BICRAL: variants seen among roughly 807,000 people sequenced by gnomAD.
The protein encoded by BICRAL is BRD4-interacting chromatin-remodeling complex-associated protein-like.
In BICRAL, 8 loss-of-function variants were observed where a neutral mutation model predicts 91.8. The observed-to-expected ratio is 0.09, with a 90% CI of 0.05 to 0.16. BICRAL has a LOEUF of 0.16. Among genes scored for constraint, BICRAL ranks in the 10% least tolerant of loss-of-function variants. The pLI is 1.00. For synonymous variants in BICRAL, 445 were observed against 491.1 expected (o/e 0.91, Z 1.24); for missense variants, 1,038 against 1,310.9 (o/e 0.79, Z 3.21).
chr6:42,851,998 C>T (rs1216040796), intron 6 of BICRAL, 94 bp from the exon 7 acceptor site: 1 of 722,768 alleles, frequency 1.4e-6, no homozygotes, highest in African/African-American at 1.8e-5. Flanking sequence ...CTGAAGGTAC[C>T]AGGGAGGCAT....
intron 12 of BICRAL, among the ~76,000 whole-genome samples, chr6:42,862,985 T>G (rs1765599558): frequency 6.6e-6 from 1 of 152,142 alleles, no homozygotes; most frequent in African/African-American, 2.4e-5. Context: ...TTTCCACTCT[T>G]GTGTAACAGC....
rs201459212 is a variant in BICRAL, at chr6:42,802,434, G to T, written c.-101-7872G>T. 2.7e-3 allele frequency among the ~76,000 whole-genome samples: 381 copies of T among 140,686 alleles called. 1 individual carries two copies. Among genetic ancestry groups the T allele is most frequent in the African/African-American group, 4.3e-3 (151 of 34,912 alleles). The allele number at this position is 140,686 out of a possible 152,430, so 92.3% of individuals were successfully genotyped here. ...TCAGCTTTTCGTGTTTTTTTTTGTTGTTGTTGTTGTTGTTGTTGTTGTTGT... is the reference window on the plus strand; with the variant it reads ...TCAGCTTTTCGTGTTTTTTTTTGTTTTTGTTGTTGTTGTTGTTGTTGTTGT... On this transcript the variant is annotated intron_variant, in intron 1 of 12. Coordinates refer to ENST00000314073, the MANE Select transcript of BICRAL (RefSeq NM_001393499.1).
intron 6 of BICRAL, among the ~76,000 whole-genome samples, chr6:42,831,770 A>C: frequency 2.7e-5 from 4 of 147,212 alleles, no homozygotes; most frequent in Admixed American, 6.8e-5. Flanking sequence ...AGACAGTCTC[A>C]CTCTGTTGCC....
chr6:42,766,988 T>C (rs1206315328), intron 1 of BICRAL, among the ~76,000 whole-genome samples: 2 of 149,022 alleles, frequency 1.3e-5, no homozygotes, highest in South Asian at 4.2e-4. Context: ...TGCAGTGAGC[T>C]GAGATGGCGC....
chr6:42,816,415 G>T (rs1341118592), intron 2 of BICRAL, among the ~76,000 whole-genome samples: 2 of 151,822 alleles, frequency 1.3e-5, no homozygotes, highest in Non-Finnish European at 2.9e-5. Context: ...AGCCTTACTT[G>T]AGGTTCTTTT....
chr6:42,808,381 C>T (rs1030290594), intron 1 of BICRAL, among the ~76,000 whole-genome samples: 3 of 152,158 alleles, frequency 2.0e-5, no homozygotes, highest in Non-Finnish European at 2.9e-5. Flanking sequence ...TCGCCTGCCT[C>T]AGCCTCCCAA....
chr6:42,778,467 A>G (rs547574428), upstream of BICRAL, among the ~76,000 whole-genome samples: 3 of 152,322 alleles, frequency 2.0e-5, no homozygotes, highest in Non-Finnish European at 4.4e-5. Context: ...TCATATGATA[A>G]TGTGTATAAG....
At chr6:42,844,795 G>A (rs959508014) in intron 6 of BICRAL, among the ~76,000 whole-genome samples, 2 of 152,200 alleles carry the variant, frequency 1.3e-5, no homozygotes, top group Middle Eastern at 3.4e-3. Context: ...GTGGGATTAA[G>A]GGAATTATTT....
intron 1 of BICRAL, among the ~76,000 whole-genome samples, chr6:42,795,171 C>T (rs1243360263): frequency 6.6e-6 from 1 of 152,184 alleles, no homozygotes; most frequent in Non-Finnish European, 1.5e-5. Flanking sequence ...GTGGCTCACA[C>T]CTGTAATCCC....
intron 1 of BICRAL, among the ~76,000 whole-genome samples, chr6:42,769,817 A>G (rs1253875609): frequency 6.6e-6 from 1 of 152,254 alleles, no homozygotes; most frequent in Non-Finnish European, 1.5e-5. Flanking sequence ...AGTAAGAAAT[A>G]CACTTATATT....
intron 12 of BICRAL, among the ~76,000 whole-genome samples, chr6:42,863,135 A>G (rs1453966466): frequency 1.1e-4 from 16 of 144,640 alleles, no homozygotes; most frequent in Non-Finnish European, 1.5e-4. Context: ...TGCAAGCTCT[A>G]CCTCCCGAGT....
chr6:42,799,603 C>T (rs897202203), intron 1 of BICRAL, among the ~76,000 whole-genome samples: 2 of 152,110 alleles, frequency 1.3e-5, no homozygotes, highest in African/African-American at 4.8e-5. Context: ...CCATCACCAC[C>T]ATTCTTTTCC....
At chr6:42,770,033 C>T (rs1762695192) in intron 1 of BICRAL, among the ~76,000 whole-genome samples, 3 of 152,182 alleles carry the variant, frequency 2.0e-5, no homozygotes, top group East Asian at 1.9e-4. Context: ...TCATCCACAC[C>T]CTTCCATGAT....
intron 2 of BICRAL, among the ~76,000 whole-genome samples, chr6:42,817,729 C>T (rs1187696453): frequency 6.6e-6 from 1 of 151,898 alleles, no homozygotes; most frequent in Non-Finnish European, 1.5e-5. Context: ...GAAAGAAACC[C>T]CATACCCATG....
rs771291808 is a variant in BICRAL, at chr6:42,857,170, G to A, written c.2188G>A (p.Val730Ile). 1.2e-6 allele frequency: 2 copies of A among 1,613,364 alleles called. No homozygotes were observed. The highest frequency in any genetic ancestry group is 1.1e-5 in the South Asian group (1 of 91,056). Residue 730 changes from valine to isoleucine, a missense_variant, in exon 10 of 13, where the codon GTA (valine) becomes ATA (isoleucine). Val to Ile is a conservative substitution (Grantham distance 29). Around this residue, in one of 5 missense-constraint regions of BICRAL, gnomAD observed 294 missense variants for 292.6 expected, o/e 1.00. Transcript: ENST00000314073. ...TCACTTCCGATCACTAAGTGATGCG[G>A]TACAGAGACTGCTCTCCTACCACGT... ...KSHFRSLSDA[V>I]QRLLSYHVCQ...
intron 1 of BICRAL, among the ~76,000 whole-genome samples, chr6:42,785,268 G>A (rs1024484367): frequency 6.6e-6 from 1 of 152,026 alleles, no homozygotes; most frequent in South Asian, 2.1e-4. Flanking sequence ...TGTAACAAAC[G>A]TAGCCTTGAG....
chr6:42,761,775 A>G (rs965216588), intron 1 of BICRAL, among the ~76,000 whole-genome samples: 1 of 151,930 alleles, frequency 6.6e-6, no homozygotes, highest in African/African-American at 2.4e-5. Context: ...ATAGCGAGAC[A>G]TGGTGGCACA....
At chr6:42,859,369 G>A (rs1765483587) in intron 10 of BICRAL, among the ~76,000 whole-genome samples, 1 of 151,508 alleles carries the variant, frequency 6.6e-6, no homozygotes, top group African/African-American at 2.4e-5. Flanking sequence ...TCCAGCCTGA[G>A]CGACAGAGCA....
chr6:42,758,044 A>G (rs1223815693), intron 1 of BICRAL, among the ~76,000 whole-genome samples: 1 of 152,132 alleles, frequency 6.6e-6, no homozygotes, highest in Admixed American at 6.6e-5. Flanking sequence ...AGAGCCAACC[A>G]CAGCACCTCC....
Sources: allele counts gnomAD v4.1 joint callset (sites outside exome capture counted in the v4.1 genomes callset), GRCh38; gene constraint gnomAD v4.1.1; regional missense constraint gnomAD v4.1.1; transcripts MANE v1.5; gene names NCBI Gene and HGNC (gene_info 2026-07-23, HGNC 2026-07-21).